HECW1: variants seen among roughly 807,000 people sequenced by gnomAD.
HECW1 encodes the protein HECT, C2 and WW domain containing E3 ubiquitin protein ligase 1.
Under a neutral mutation model 182.3 loss-of-function variants are expected in HECW1, and 61 were observed. That is an observed-to-expected ratio of 0.33 (90% CI 0.27 to 0.41). The LOEUF is 0.41. Among genes scored for constraint, HECW1 ranks in the 10% least tolerant of loss-of-function variants. The pLI, the probability that HECW1 is intolerant of heterozygous loss-of-function variation, is 1.00. For missense variants in HECW1, 1,739 were observed against 2,108.9 expected (o/e 0.82, Z 3.44); for synonymous variants, 859 against 832.6 (o/e 1.03, Z -0.55).
chr7:43,458,767 C>T (rs1346110368), intron 13 of HECW1, among the ~76,000 whole-genome samples: 4 of 152,108 alleles, frequency 2.6e-5, no homozygotes, highest in Non-Finnish European at 5.9e-5. Context: ...CACATGCGAC[C>T]ACACAGAAAG....
intron 3 of HECW1, among the ~76,000 whole-genome samples, chr7:43,291,140 A>G (rs1397240875): frequency 6.6e-6 from 1 of 152,184 alleles, no homozygotes. Context: ...AAGAAATAGC[A>G]CTCGAACATA....
chr7:43,296,443 G>T (rs992329036), intron 3 of HECW1, among the ~76,000 whole-genome samples: 3 of 152,120 alleles, frequency 2.0e-5, no homozygotes, highest in African/African-American at 7.2e-5. Context: ...CCTCCTAGTG[G>T]TGACAGTGAG....
At chr7:43,230,075 A>G (rs2152708458) in intron 2 of HECW1, among the ~76,000 whole-genome samples, 1 of 152,332 alleles carries the variant, frequency 6.6e-6, no homozygotes. Context: ...AGTATTGTAC[A>G]AAGTAACTAG....
chr7:43,499,580 T>C (rs1286526341), intron 19 of HECW1, among the ~76,000 whole-genome samples: 1 of 152,068 alleles, frequency 6.6e-6, no homozygotes, highest in Non-Finnish European at 1.5e-5. Flanking sequence ...GTTTATTTCT[T>C]ATAATTACAC....
intron 11 of HECW1, among the ~76,000 whole-genome samples, chr7:43,446,154 T>TTGTTGTTG (rs1554420488): frequency 0.052 from 7,890 of 151,826 alleles, 293 homozygotes; most frequent in Middle Eastern, 0.088. Context: ...TTGGTTTTGT[T>TTGTTGTTG]TTGTTGTTGT....
chr7:43,507,961 A>G, intron 22 of HECW1, 57 bp from the exon 23 acceptor site: 1 of 1,248,436 alleles, frequency 8.0e-7, no homozygotes, highest in Non-Finnish European at 1.2e-6. Flanking sequence ...CTCACTTAGA[A>G]CCCTGTCCAG....
rs1048139465 is a variant in HECW1, at chr7:43,296,865, G to A, written c.28-14898G>A. On this transcript the variant is annotated intron_variant, in intron 3 of 29. Coordinates refer to ENST00000395891, the MANE Select transcript of HECW1 (RefSeq NM_015052.5). The stretch of plus-strand genomic sequence containing the variant: ...TCCTCCACTTGCCCAAGTCTGACCT[G>A]TGCCTTCAAGGCACTTAACATGCAG... Among the ~76,000 whole-genome samples the A allele has an allele frequency of 9.9e-5, 15 of 152,164 alleles. 1 individual carries two copies. Among genetic ancestry groups the A allele is most frequent in the Admixed American group, 5.2e-4 (8 of 15,278 alleles).
At chr7:43,338,118 A>G (rs1222277877) in intron 5 of HECW1, among the ~76,000 whole-genome samples, 1 of 152,178 alleles carries the variant, frequency 6.6e-6, no homozygotes, top group Non-Finnish European at 1.5e-5. Context: ...CCAGTGATCT[A>G]GGATTAGGGA....
At chr7:43,418,617 T>C (rs2076088049) in intron 8 of HECW1, among the ~76,000 whole-genome samples, 1 of 152,214 alleles carries the variant, frequency 6.6e-6, no homozygotes. Context: ...ATGCAATGAA[T>C]ATTTTCAGAT....
At chr7:43,532,988 T>C (rs1310552107) in intron 24 of HECW1, among the ~76,000 whole-genome samples, 1 of 152,120 alleles carries the variant, frequency 6.6e-6, no homozygotes, top group East Asian at 1.9e-4. Context: ...TCATCACCTG[T>C]TTAGATATAT....
chr7:43,175,382 G>C (rs1207995365), intron 2 of HECW1, among the ~76,000 whole-genome samples: 1 of 152,134 alleles, frequency 6.6e-6, no homozygotes, highest in South Asian at 2.1e-4. Context: ...GTGACATTTT[G>C]TATCCTTTGA....
chr7:43,277,012 T>C (rs1443539338), intron 3 of HECW1, among the ~76,000 whole-genome samples: 2 of 152,174 alleles, frequency 1.3e-5, no homozygotes, highest in East Asian at 1.9e-4. Flanking sequence ...GAAGCCTCAT[T>C]TGGGTTTTCT....
chr7:43,174,676 G>A (rs568400930), intron 2 of HECW1, among the ~76,000 whole-genome samples: 13 of 152,192 alleles, frequency 8.5e-5, no homozygotes, highest in African/African-American at 3.1e-4. Flanking sequence ...ATGAAAAAAG[G>A]CTGTCAGCTC....
intron 3 of HECW1, among the ~76,000 whole-genome samples, chr7:43,309,312 G>T (rs1480066775): frequency 6.6e-6 from 1 of 152,142 alleles, no homozygotes; most frequent in Non-Finnish European, 1.5e-5. Flanking sequence ...AGAGGGTGGG[G>T]TGCAAGGGAC....
At chr7:43,401,269 A>G (rs1232360034) in intron 7 of HECW1, among the ~76,000 whole-genome samples, 2 of 152,192 alleles carry the variant, frequency 1.3e-5, no homozygotes, top group Non-Finnish European at 2.9e-5. Flanking sequence ...ACTCACCACT[A>G]CAGAAAGGGA....
At chr7:43,523,427 A>G (rs2080607523) in intron 24 of HECW1, among the ~76,000 whole-genome samples, 1 of 152,194 alleles carries the variant, frequency 6.6e-6, no homozygotes. Context: ...GAAGAGAGAG[A>G]AATCTTGAAT....
chr7:43,423,724 C>T (rs2076268918), intron 8 of HECW1, among the ~76,000 whole-genome samples: 2 of 152,140 alleles, frequency 1.3e-5, no homozygotes, highest in African/African-American at 2.4e-5. Context: ...TGCAACTCTT[C>T]CCAACTCCAC....
At chr7:43,166,326 C>T (rs1791105513) in intron 2 of HECW1, among the ~76,000 whole-genome samples, 1 of 152,156 alleles carries the variant, frequency 6.6e-6, no homozygotes, top group African/African-American at 2.4e-5. Flanking sequence ...CAGGTGTGTT[C>T]CACCTGCCTT....
At chr7:43,316,003 A>C (rs1411841547) in intron 4 of HECW1, among the ~76,000 whole-genome samples, 3 of 152,144 alleles carry the variant, frequency 2.0e-5, no homozygotes, top group African/African-American at 4.8e-5. Flanking sequence ...TCTTAACAGC[A>C]ATAGCATGTT....
Sources: allele counts gnomAD v4.1 joint callset (sites outside exome capture counted in the v4.1 genomes callset), GRCh38; gene constraint gnomAD v4.1.1; transcripts MANE v1.5; gene names NCBI Gene and HGNC (gene_info 2026-07-23, HGNC 2026-07-21).